RANBP17: variants seen among roughly 807,000 people sequenced by gnomAD.
The protein encoded by RANBP17 is ran-binding protein 17.
RANBP17 carries 158 observed loss-of-function variants against 141.2 expected under a neutral mutation model. That is an observed-to-expected ratio of 1.12 (90% CI 0.98 to 1.28). RANBP17 has a LOEUF of 1.28. Among genes scored for constraint, RANBP17 ranks in the 50% most tolerant of loss-of-function variants. The pLI, the probability that RANBP17 is intolerant of heterozygous loss-of-function variation, is 0.00. For missense variants in RANBP17, 1,438 were observed against 1,290.7 expected (o/e 1.11, Z -1.75); for synonymous variants, 430 against 450.0 (o/e 0.96, Z 0.56).
chr5:170,925,864 A>G (rs1360130530), intron 12 of RANBP17, among the ~76,000 whole-genome samples: 1 of 152,160 alleles, frequency 6.6e-6, no homozygotes, highest in Non-Finnish European at 1.5e-5. Flanking sequence ...ATACTGATGC[A>G]TATAGCTATA....
intron 14 of RANBP17, among the ~76,000 whole-genome samples, chr5:171,066,652 A>G (rs1784331138): frequency 1.3e-5 from 2 of 152,174 alleles, no homozygotes; most frequent in South Asian, 2.1e-4. Context: ...TATTTCTTCA[A>G]CATACCTATT....
rs1581633461 is a variant in RANBP17, at chr5:171,099,695, A to G, written c.1711-70435A>G. Among the ~76,000 whole-genome samples the G allele has an allele frequency of 2.0e-5, 3 of 152,168 alleles. No homozygotes were observed. In the South Asian group the frequency reaches 6.2e-4, roughly 32 times the overall value. On this transcript the variant is annotated intron_variant, in intron 14 of 27. Coordinates refer to ENST00000523189, the MANE Select transcript of RANBP17 (RefSeq NM_022897.5). The stretch of plus-strand genomic sequence containing the variant: ...TTTCTTGTGCCAGTTTTCAAAGGGA[A>G]TGCTTCCAGTTTTTGCCCATTCAGT...
intron 5 of RANBP17, chr5:170,904,184 C>T: frequency 3.3e-6 from 1 of 306,006 alleles, no homozygotes; most frequent in Non-Finnish European, 6.5e-6. Flanking sequence ...GCTAGACCAG[C>T]CTGTCCCTCC....
At chr5:170,983,081 G>C in intron 14 of RANBP17, 1 of 512,566 alleles carries the variant, frequency 2.0e-6, no homozygotes, top group Non-Finnish European at 3.8e-6. Flanking sequence ...GCTGGAGACT[G>C]TATACTACTC....
Position 170,869,357 on chromosome 5 carries a change from C to G in RANBP17, c.18+7306C>G, listed in dbSNP as rs1226788513. 3.5e-5 allele frequency among the ~76,000 whole-genome samples: 5 copies of G among 142,680 alleles called. No homozygotes were observed. In the East Asian group the frequency reaches 1.0e-3, roughly 29 times the overall value. The allele number at this position is 142,680 out of a possible 152,430, so 93.6% of individuals were successfully genotyped here. A position where few individuals can be genotyped will look rare whatever the true frequency, so the allele number is the denominator to read the frequency against. On this transcript the variant is annotated intron_variant, in intron 1 of 27. Transcript: ENST00000523189. Reference sequence around the variant, plus strand: ...TTTTTTTTTTGAGTTGGGAGTCTCGCTATGTTTCCCAGGCTGGCCTTGAAC... The same window carrying G: ...TTTTTTTTTTGAGTTGGGAGTCTCGGTATGTTTCCCAGGCTGGCCTTGAAC...
intron 14 of RANBP17, among the ~76,000 whole-genome samples, chr5:171,073,184 G>A (rs1339163615): frequency 2.0e-5 from 3 of 151,982 alleles, no homozygotes; most frequent in Non-Finnish European, 2.9e-5. Flanking sequence ...CAACCAAAAT[G>A]TCAGGGGATC....
intron 16 of RANBP17, among the ~76,000 whole-genome samples, chr5:171,174,997 G>A (rs1293026755): frequency 6.6e-6 from 1 of 151,884 alleles, no homozygotes; most frequent in Non-Finnish European, 1.5e-5. Context: ...TCCCCTCCCT[G>A]TGTCCATGTG....
chr5:170,863,039 T>C (rs1389370416), intron 1 of RANBP17, among the ~76,000 whole-genome samples: 2 of 152,204 alleles, frequency 1.3e-5, no homozygotes, highest in Non-Finnish European at 2.9e-5. Flanking sequence ...TTATTAATTA[T>C]TGAGCGCCTA....
At position 170,954,821 on chromosome 5, in the gene RANBP17, A is replaced by G. The variant is rs78008606; in HGVS notation, c.1574+1119A>G. ...GCATTTTAAAGACTTTCAATACTCAATACCACACGGTGTTCTGAAAAAGGA... is the reference window on the plus strand; with the variant it reads ...GCATTTTAAAGACTTTCAATACTCAGTACCACACGGTGTTCTGAAAAAGGA... On this transcript the variant is annotated intron_variant, in intron 13 of 27. Transcript: ENST00000523189. Among the ~76,000 whole-genome samples, 562 of 152,308 alleles carry G rather than the reference A, an allele frequency of 3.7e-3. 9 individuals are homozygous for G. The highest frequency in any genetic ancestry group is 0.026 in the Admixed American group (403 of 15,290).
At chr5:170,944,305 C>T (rs1467004743) in intron 12 of RANBP17, among the ~76,000 whole-genome samples, 1 of 152,204 alleles carries the variant, frequency 6.6e-6, no homozygotes, top group Non-Finnish European at 1.5e-5. Context: ...GTCTCACTGT[C>T]ACCTAGGCTA....
At chr5:171,020,536 C>T (rs1292526274) in intron 14 of RANBP17, among the ~76,000 whole-genome samples, 1 of 150,952 alleles carries the variant, frequency 6.6e-6, no homozygotes, top group African/African-American at 2.4e-5. Flanking sequence ...TTCCTTGTCT[C>T]TTTTTGGTCT....
intron 12 of RANBP17, among the ~76,000 whole-genome samples, chr5:170,926,239 A>G (rs115663626): frequency 0.012 from 1,775 of 152,250 alleles, 31 homozygotes; most frequent in African/African-American, 0.041. Context: ...TCTGTGTTTC[A>G]GTAAAGTTTT....
At chr5:171,128,788 ATTAT>A (rs1185337169) in intron 14 of RANBP17, among the ~76,000 whole-genome samples, 2 of 150,310 alleles carry the variant, frequency 1.3e-5, no homozygotes, top group African/African-American at 4.9e-5. Context: ...ATATACAATG[ATTAT>A]TTATTAATAA....
intron 5 of RANBP17, among the ~76,000 whole-genome samples, chr5:170,901,442 A>G (rs1275937345): frequency 6.6e-6 from 1 of 152,176 alleles, no homozygotes; most frequent in Non-Finnish European, 1.5e-5. Context: ...TCTCCTGAAT[A>G]CAGCATACTG....
intron 4 of RANBP17, among the ~76,000 whole-genome samples, chr5:170,893,611 G>A (rs1769841585): frequency 1.3e-5 from 2 of 152,066 alleles, no homozygotes; most frequent in Admixed American, 1.3e-4. Context: ...GGCTAACACG[G>A]TGAAACCCTG....
chr5:170,939,705 C>G (rs1483681233), intron 12 of RANBP17, among the ~76,000 whole-genome samples: 1 of 152,040 alleles, frequency 6.6e-6, no homozygotes, highest in Non-Finnish European at 1.5e-5. Flanking sequence ...TTCATTTTAA[C>G]ATTCATAGTC....
At chr5:171,262,612 T>C (rs1766406504) in intron 24 of RANBP17, among the ~76,000 whole-genome samples, 1 of 152,178 alleles carries the variant, frequency 6.6e-6, no homozygotes, top group Non-Finnish European at 1.5e-5. Flanking sequence ...AGGGTATCCA[T>C]CACTGCAAAC....
At chr5:171,007,039 A>T (rs1434478577) in intron 14 of RANBP17, among the ~76,000 whole-genome samples, 2 of 152,088 alleles carry the variant, frequency 1.3e-5, no homozygotes, top group Non-Finnish European at 2.9e-5. Flanking sequence ...CTGGCTCATG[A>T]AGCCGGTGGT....
intron 25 of RANBP17, chr5:171,271,555 AT>A (rs536849202): frequency 1.0e-4 from 21 of 209,928 alleles, no homozygotes; most frequent in Admixed American, 5.9e-4. Flanking sequence ...GAATAGTCAG[AT>A]TTTCTAATGT....
Sources: gnomAD v4.1 joint callset for allele counts (sites outside exome capture counted in the v4.1 genomes callset) on GRCh38, gnomAD v4.1.1 for gene constraint, MANE v1.5 for transcripts, NCBI Gene and HGNC (gene_info 2026-07-23, HGNC 2026-07-21) for gene names.